KSR2: variants seen among roughly 807,000 people sequenced by gnomAD.
KSR2 encodes the protein kinase suppressor of ras 2.
In KSR2, 25 loss-of-function variants were observed where a neutral mutation model predicts 107.8. The ratio of observed to expected loss-of-function variants is 0.23; its 90% CI spans 0.17 to 0.32. The LOEUF is 0.32. Ranked by LOEUF, KSR2 falls within the 10% of genes least tolerant of loss-of-function variation. The pLI is 1.00. For synonymous variants in KSR2, 480 were observed against 507.0 expected (o/e 0.95, Z 0.71); for missense variants, 887 against 1,268.9 (o/e 0.70, Z 4.57).
chr12:117,575,379 T>C (rs938980974), intron 7 of KSR2, among the ~76,000 whole-genome samples: 88 of 152,352 alleles, frequency 5.8e-4, no homozygotes, highest in African/African-American at 2.0e-3. Flanking sequence ...GCTCTTTATG[T>C]GTACACTTTC....
At chr12:117,817,370 A>G (rs1208653905) in intron 3 of KSR2, among the ~76,000 whole-genome samples, 1 of 151,866 alleles carries the variant, frequency 6.6e-6, no homozygotes, top group African/African-American at 2.4e-5. Flanking sequence ...CTCTCTCTCA[A>G]TAACCGCCCC....
chr12:117,794,002 ACACACCAACATGCACACT>A (rs1367196938), intron 3 of KSR2, among the ~76,000 whole-genome samples: 2 of 114,280 alleles, frequency 1.8e-5, no homozygotes, highest in African/African-American at 3.3e-5. Context: ...CAACATGCAC[ACACACCAACATGCACACT>A]CACACCAACA....
intron 14 of KSR2, among the ~76,000 whole-genome samples, chr12:117,487,616 A>T (rs560149217): frequency 3.9e-5 from 6 of 152,166 alleles, no homozygotes; most frequent in Admixed American, 1.3e-4. Context: ...TAGTTCCTGA[A>T]CAGCCACCTA....
At chr12:117,934,005 G>A (rs1020835737) in intron 1 of KSR2, among the ~76,000 whole-genome samples, 3 of 152,132 alleles carry the variant, frequency 2.0e-5, no homozygotes, top group African/African-American at 4.8e-5. Flanking sequence ...TCCAGCCGAC[G>A]TTGCAAACTC....
chr12:117,521,647 AC>A (rs1230846702), intron 14 of KSR2, among the ~76,000 whole-genome samples: 1 of 152,220 alleles, frequency 6.6e-6, no homozygotes, highest in African/African-American at 2.4e-5. Context: ...ATACTTGTTA[AC>A]TTCGATGATA....
At chr12:117,816,217 T>A (rs960016506) in intron 3 of KSR2, among the ~76,000 whole-genome samples, 1 of 152,084 alleles carries the variant, frequency 6.6e-6, no homozygotes, top group Non-Finnish European at 1.5e-5. Flanking sequence ...CCAGGTTCTG[T>A]TGGATCACAC....
chr12:117,807,501 G>C (rs1891050543), intron 3 of KSR2, among the ~76,000 whole-genome samples: 1 of 152,162 alleles, frequency 6.6e-6, no homozygotes, highest in Non-Finnish European at 1.5e-5. Flanking sequence ...CCAAATATCA[G>C]CTCCCATTTT....
rs58122177 is a variant in KSR2, at chr12:117,473,551, G to T, written c.2583-2231C>A. Among the ~76,000 whole-genome samples the T allele has an allele frequency of 8.1e-3, 1,241 of 152,278 alleles. 21 individuals carry two copies. Among genetic ancestry groups the T allele is most frequent in the African/African-American group, 0.028 (1,156 of 41,534 alleles). On this transcript the variant is annotated intron_variant, in intron 17 of 19. Coordinates refer to ENST00000339824, the MANE Select transcript of KSR2 (RefSeq NM_173598.6). ...GTAATCAAGAAAGTGCACAATTTGGGAGGTGCGAGCTTGTGGCTGGCGATT... is the reference window on the plus strand; with the variant it reads ...GTAATCAAGAAAGTGCACAATTTGGTAGGTGCGAGCTTGTGGCTGGCGATT...
intron 3 of KSR2, among the ~76,000 whole-genome samples, chr12:117,824,706 C>T (rs1891678566): frequency 6.6e-6 from 1 of 150,828 alleles, no homozygotes; most frequent in African/African-American, 2.4e-5. Flanking sequence ...AATACAAAAA[C>T]ATTAGCTGGG....
In KSR2 at chr12:117,540,027, G is replaced by A. The variant is rs139285304; in HGVS notation, c.1519-140C>T. ...CTTTCCTCAGCCACCAGATCCTTCC[G>A]AAGTCCCTCCCGCTTCATCAGCCCC... is the stretch of plus-strand genomic sequence containing the variant. On this transcript the variant is annotated intron_variant, in intron 9 of 19. Transcript: ENST00000339824. 2.2e-4 allele frequency: 145 copies of A among 663,842 alleles called. 1 individual carries two copies. The East Asian group carries it at 4.1e-3, about 19-fold the overall frequency. 41.1% of individuals were successfully genotyped at this position (663,842 alleles called of 1,614,324 possible). A position where few individuals can be genotyped will look rare whatever the true frequency, so the allele number is the denominator to read the frequency against.
intron 1 of KSR2, among the ~76,000 whole-genome samples, chr12:117,866,712 T>C (rs1893481918): frequency 6.6e-6 from 1 of 151,696 alleles, no homozygotes. Flanking sequence ...GCCTGTAATC[T>C]CAGCTACTCG....
chr12:117,811,043 C>T (rs970835502), intron 3 of KSR2, among the ~76,000 whole-genome samples: 1 of 152,168 alleles, frequency 6.6e-6, no homozygotes, highest in Non-Finnish European at 1.5e-5. Flanking sequence ...CAATTGGTTG[C>T]TTCCCAACCA....
intron 1 of KSR2, among the ~76,000 whole-genome samples, chr12:117,902,976 G>A (rs1159495156): frequency 6.6e-6 from 1 of 152,150 alleles, no homozygotes; most frequent in Non-Finnish European, 1.5e-5. Context: ...GAGGATAACT[G>A]TTGTCTTTAC....
chr12:117,803,777 G>C (rs1014969906), intron 3 of KSR2, among the ~76,000 whole-genome samples: 3 of 152,056 alleles, frequency 2.0e-5, no homozygotes, highest in Non-Finnish European at 4.4e-5. Context: ...CTGTCTTTCC[G>C]GCCATGCATT....
chr12:117,882,669 C>A (rs953839530), intron 1 of KSR2, among the ~76,000 whole-genome samples: 1 of 151,242 alleles, frequency 6.6e-6, no homozygotes, highest in East Asian at 2.0e-4. Context: ...ATTCATCCAA[C>A]CATCCAACAA....
At chr12:117,619,500 TG>T (rs1207678704) in intron 5 of KSR2, among the ~76,000 whole-genome samples, 2 of 151,910 alleles carry the variant, frequency 1.3e-5, no homozygotes, top group African/African-American at 2.4e-5. Flanking sequence ...CTGAGAATGA[TG>T]GCTTCCATCT....
chr12:117,828,742 T>C (rs1361034964), intron 3 of KSR2, among the ~76,000 whole-genome samples: 1 of 152,196 alleles, frequency 6.6e-6, no homozygotes, highest in East Asian at 1.9e-4. Context: ...CCAGTATCCA[T>C]ACCACCTGGA....
intron 1 of KSR2, among the ~76,000 whole-genome samples, chr12:117,964,044 G>A (rs116861488): frequency 0.2 from 29,873 of 152,154 alleles, 3,418 homozygotes; most frequent in African/African-American, 0.31. Context: ...TTGGGAGGCC[G>A]AGGCGGGCAG....
At chr12:117,768,179 A>T (rs1376507575) in intron 3 of KSR2, among the ~76,000 whole-genome samples, 1 of 152,062 alleles carries the variant, frequency 6.6e-6, no homozygotes, top group Non-Finnish European at 1.5e-5. Context: ...TGGACCCCAA[A>T]CTCCTGCTCA....
Sources: allele counts gnomAD v4.1 joint callset (sites outside exome capture counted in the v4.1 genomes callset), GRCh38; gene constraint gnomAD v4.1.1; transcripts MANE v1.5; gene names NCBI Gene and HGNC (gene_info 2026-07-23, HGNC 2026-07-21).